Variants in PDZRN3 observed in about 807,000 individuals in gnomAD.
PDZRN3 encodes the protein PDZ domain containing ring finger 3.
A neutral mutation model predicts 85.7 loss-of-function variants in PDZRN3; 38 were observed. That is an observed-to-expected ratio of 0.44 (90% CI 0.34 to 0.58). The LOEUF is 0.58. Ranked by LOEUF, PDZRN3 falls within the 20% of genes least tolerant of loss-of-function variation. The probability of loss-of-function intolerance (pLI) is 0.01; values close to 1 mark genes in which losing one functional copy is unlikely to be tolerated. For synonymous variants in PDZRN3, 759 were observed against 638.0 expected (o/e 1.19, Z -2.86); for missense variants, 1,629 against 1,506.4 (o/e 1.08, Z -1.35).
At chr3:73,519,859 G>T (rs560708767) in intron 3 of PDZRN3, among the ~76,000 whole-genome samples, 1 of 152,304 alleles carries the variant, frequency 6.6e-6, no homozygotes, top group African/African-American at 2.4e-5. Context: ...GATGTGGTGG[G>T]ACAGGAGTCT....
At chr3:73,566,315 A>G (rs1575741573) in intron 3 of PDZRN3, among the ~76,000 whole-genome samples, 1 of 152,352 alleles carries the variant, frequency 6.6e-6, no homozygotes, top group South Asian at 2.1e-4. Context: ...AAATGGAATT[A>G]TAACATTTTC....
At position 73,489,907 on chromosome 3, in the gene PDZRN3, G is replaced by T. The variant is rs187909125; in HGVS notation, c.919-85512C>A. 1.0e-3 allele frequency among the ~76,000 whole-genome samples: 155 copies of T among 152,158 alleles called. 2 individuals carry two copies. The highest frequency in any genetic ancestry group is 1.1e-3 in the Non-Finnish European group (75 of 67,992). Reference sequence around the variant, plus strand: ...AATATTCTCACAGGCACCCAAAACGGTGATGGTTCAGAAGGTCTCTCAGGC... The same window carrying T: ...AATATTCTCACAGGCACCCAAAACGTTGATGGTTCAGAAGGTCTCTCAGGC... On this transcript the variant is annotated intron_variant, in intron 3 of 9. Coordinates refer to ENST00000263666, the MANE Select transcript of PDZRN3 (RefSeq NM_015009.3).
At chr3:73,532,220 C>A (rs985774204) in intron 3 of PDZRN3, among the ~76,000 whole-genome samples, 7 of 152,084 alleles carry the variant, frequency 4.6e-5, no homozygotes, top group African/African-American at 1.7e-4. Context: ...TTAGGATGGT[C>A]TCGATCTCCT....
At position 73,558,116 on chromosome 3, in the gene PDZRN3, C is replaced by T. The variant is rs111612655; in HGVS notation, c.918+44238G>A. 9.9e-4 allele frequency among the ~76,000 whole-genome samples: 148 copies of T among 150,038 alleles called. 1 individual carries two copies. In the East Asian group the frequency reaches 0.026, roughly 26 times the overall value. ...AGTGAAAAAATCAAATACAGAAATTCTGTTGCCAAAAATAGCCCTCTGTAG... is the reference window on the plus strand; with the variant it reads ...AGTGAAAAAATCAAATACAGAAATTTTGTTGCCAAAAATAGCCCTCTGTAG... On this transcript the variant is annotated intron_variant, in intron 3 of 9. Transcript: ENST00000263666.
At chr3:73,456,221 CGT>C (rs1559689054) in intron 3 of PDZRN3, among the ~76,000 whole-genome samples, 1 of 151,528 alleles carries the variant, frequency 6.6e-6, no homozygotes, top group East Asian at 1.9e-4. Context: ...TGTGTGCGCG[CGT>C]GCGCTTCTCC....
Position 73,563,103 on chromosome 3 carries a change from C to G in PDZRN3, c.918+39251G>C, listed in dbSNP as rs183381813. Among the ~76,000 whole-genome samples the G allele has an allele frequency of 8.4e-3, 1,209 of 144,772 alleles. 9 individuals are homozygous for G. The highest frequency in any genetic ancestry group is 0.014 in the Non-Finnish European group (914 of 66,510). 95.0% of individuals were successfully genotyped at this position (144,772 alleles called of 152,430 possible). A position where few individuals can be genotyped will look rare whatever the true frequency, so the allele number is the denominator to read the frequency against. On this transcript the variant is annotated intron_variant, in intron 3 of 9. Coordinates refer to ENST00000263666, the MANE Select transcript of PDZRN3 (RefSeq NM_015009.3). ...GCACGATCTCTGCTCACTGCAAGCT[C>G]CGCCTCCCAGGTTCACGCCATTCTC...
chr3:73,453,022 C>T (rs1328953926), intron 3 of PDZRN3, among the ~76,000 whole-genome samples: 1 of 152,080 alleles, frequency 6.6e-6, no homozygotes. Context: ...GACACTCTGC[C>T]ATTGAATACA....
chr3:73,451,776 G>A (rs192428413), intron 3 of PDZRN3, among the ~76,000 whole-genome samples: 3 of 152,120 alleles, frequency 2.0e-5, no homozygotes, highest in East Asian at 1.9e-4. Context: ...CACTCATGTC[G>A]TAATCATTTA....
At chr3:73,614,775 T>C (rs985517725) in intron 1 of PDZRN3, among the ~76,000 whole-genome samples, 2 of 152,196 alleles carry the variant, frequency 1.3e-5, no homozygotes, top group African/African-American at 4.8e-5. Flanking sequence ...TACTGAAGAA[T>C]TGCTGATGTC....
At chr3:73,494,869 C>T (rs62246105) in intron 3 of PDZRN3, among the ~76,000 whole-genome samples, 1,885 of 152,252 alleles carry the variant, frequency 0.012, 13 homozygotes, top group Non-Finnish European at 0.019. Context: ...GCTTACTTTT[C>T]CAACACCCAA....
chr3:73,388,093 G>T, intron 7 of PDZRN3, 24 bp from the exon 8 acceptor site: 2 of 1,045,968 alleles, frequency 1.9e-6, no homozygotes, highest in Non-Finnish European at 2.8e-6. Flanking sequence ...AGGGGGGGTG[G>T]GGAGAGTGGG....
intron 3 of PDZRN3, among the ~76,000 whole-genome samples, chr3:73,479,717 C>T (rs951138283): frequency 6.6e-6 from 1 of 152,220 alleles, no homozygotes; most frequent in African/African-American, 2.4e-5. Context: ...CCCATCTCCC[C>T]TGCCTGACCC....
intron 3 of PDZRN3, among the ~76,000 whole-genome samples, chr3:73,439,944 G>A (rs9825117): frequency 0.043 from 6,515 of 151,992 alleles, 453 homozygotes; most frequent in African/African-American, 0.15. Context: ...CACCATATTG[G>A]CCAGGCTGGT....
At chr3:73,442,411 G>A (rs1702656037) in intron 3 of PDZRN3, among the ~76,000 whole-genome samples, 1 of 152,182 alleles carries the variant, frequency 6.6e-6, no homozygotes, top group Admixed American at 6.5e-5. Flanking sequence ...GAGAACAAGT[G>A]ATAGGATGAA....
At chr3:73,448,385 TAC>T (rs1010617137) in intron 3 of PDZRN3, among the ~76,000 whole-genome samples, 9 of 152,232 alleles carry the variant, frequency 5.9e-5, no homozygotes, top group Non-Finnish European at 1.0e-4. Flanking sequence ...CTTTCTTTTT[TAC>T]ATTTTCACTT....
intron 3 of PDZRN3, among the ~76,000 whole-genome samples, chr3:73,436,356 G>T (rs986283725): frequency 1.3e-5 from 2 of 152,182 alleles, no homozygotes; most frequent in Non-Finnish European, 2.9e-5. Flanking sequence ...AGAGATGAAG[G>T]ATGACCTGTG....
At chr3:73,504,212 C>G (rs6419781) in intron 3 of PDZRN3, among the ~76,000 whole-genome samples, 149,082 of 152,310 alleles carry the variant, frequency 0.98, 73,045 homozygotes, top group East Asian at 1. Context: ...CAGGAATAGA[C>G]TTAGTTAGCA....
At chr3:73,472,154 C>T (rs148776459) in intron 3 of PDZRN3, among the ~76,000 whole-genome samples, 1 of 152,204 alleles carries the variant, frequency 6.6e-6, no homozygotes, top group Non-Finnish European at 1.5e-5. Flanking sequence ...CTTTGGTGAG[C>T]GAGGCCAGTG....
chr3:73,485,896 G>C (rs1427970614), intron 3 of PDZRN3, among the ~76,000 whole-genome samples: 2 of 152,156 alleles, frequency 1.3e-5, no homozygotes, highest in South Asian at 2.1e-4. Context: ...CAACCAAAAG[G>C]CAGTCCATAT....
Sources: allele counts gnomAD v4.1 joint callset (sites outside exome capture counted in the v4.1 genomes callset), GRCh38; gene constraint gnomAD v4.1.1; transcripts MANE v1.5; gene names NCBI Gene and HGNC (gene_info 2026-07-23, HGNC 2026-07-21).